STARD6: variants seen among roughly 807,000 people sequenced by gnomAD.
STARD6 encodes StAR related lipid transfer domain containing 6.
STARD6 carries 21 observed loss-of-function variants against 22.3 expected under a neutral mutation model. That is an observed-to-expected ratio of 0.94 (90% confidence interval 0.67 to 1.35). STARD6 has a LOEUF of 1.35. Ranked by LOEUF, STARD6 falls within the 40% of genes most tolerant of loss-of-function variation. The probability of loss-of-function intolerance (pLI) is 0.00; values close to 1 mark genes in which losing one functional copy is unlikely to be tolerated. For missense variants in STARD6, 269 were observed against 266.9 expected (o/e 1.01, Z -0.05); for synonymous variants, 80 against 88.1 (o/e 0.91, Z 0.52).
intron 7 of STARD6, among the ~76,000 whole-genome samples, chr18:54,327,927 A>G (rs1373971099): frequency 6.6e-6 from 1 of 151,688 alleles, no homozygotes; most frequent in Non-Finnish European, 1.5e-5. Flanking sequence ...GAAATAAGAA[A>G]AATTCATAAG....
intron 1 of STARD6, chr18:54,356,935 A>C (rs917447626): frequency 5.9e-5 from 9 of 152,202 alleles, no homozygotes; most frequent in African/African-American, 1.9e-4. Context: ...TTAACCACTA[A>C]ACTGAACGTT....
In STARD6 at chr18:54,331,836, A is replaced by G. The variant is rs772370798; in HGVS notation, c.291T>C (p.Ile97=). ...TGGAGCCCACGGCAAAACTTTGTGT[A>G]ATGGTATGACATATGAATGTGTCCT... ...IDSDTFICHT[I]TQSFAVGSIS... Residue 97 remains isoleucine (I), a synonymous_variant, in exon 6 of 8, where the codon ATT becomes ATC. Transcript: ENST00000307844. 1 of 1,612,260 alleles carries G rather than the reference A, an allele frequency of 6.2e-7. No individual in the cohort carries two copies. Among genetic ancestry groups the G allele is most frequent in the Non-Finnish European group, 8.5e-7 (1 of 1,178,594 alleles).
intron 4 of STARD6, among the ~76,000 whole-genome samples, chr18:54,349,589 T>C (rs2089074464): frequency 6.6e-6 from 1 of 152,158 alleles, no homozygotes; most frequent in Non-Finnish European, 1.5e-5. Context: ...TCTTGAGATT[T>C]TGGTGCACCC....
chr18:54,353,847 C>T, intron 4 of STARD6: 1 of 354,828 alleles, frequency 2.8e-6, no homozygotes, highest in Admixed American at 4.7e-5. Flanking sequence ...GATTTTTTAT[C>T]TGATTGTCAT....
chr18:54,336,068 C>A lies in STARD6; in HGVS notation c.267+1057G>T, dbSNP rs114719280. Among the ~76,000 whole-genome samples, 429 of 152,268 alleles carry A rather than the reference C, an allele frequency of 2.8e-3. 4 individuals carry two copies. Among genetic ancestry groups the A allele is most frequent in the African/African-American group, 9.7e-3 (405 of 41,542 alleles). On this transcript the variant is annotated intron_variant, in intron 5 of 7. Coordinates refer to ENST00000307844, the MANE Select transcript of STARD6 (RefSeq NM_139171.2). ...GCTTTCATTCTGCCCTTACCTCATA[C>A]TGATCCTTTCTTCTGTTTCTCTGTA...
chr18:54,337,666 T>G (rs2088929095), intron 4 of STARD6, among the ~76,000 whole-genome samples: 1 of 152,094 alleles, frequency 6.6e-6, no homozygotes, highest in African/African-American at 2.4e-5. Context: ...CAGAATTGAG[T>G]AGTTGCAAGA....
At chr18:54,337,675 GA>G (rs2088929199) in intron 4 of STARD6, among the ~76,000 whole-genome samples, 1 of 152,170 alleles carries the variant, frequency 6.6e-6, no homozygotes, top group South Asian at 2.1e-4. Context: ...GTAGTTGCAA[GA>G]GACCAAATGA....
chr18:54,336,730 T>G (rs1356797211), intron 5 of STARD6, among the ~76,000 whole-genome samples: 1 of 152,220 alleles, frequency 6.6e-6, no homozygotes, highest in South Asian at 2.1e-4. Context: ...ATGTGCTTAC[T>G]TCCCCTTCGC....
intron 7 of STARD6, among the ~76,000 whole-genome samples, chr18:54,327,634 GTACTTTTCATCAACGTAATT>G (rs1191845475): frequency 6.6e-6 from 1 of 152,100 alleles, no homozygotes; most frequent in Non-Finnish European, 1.5e-5. Context: ...GCTGGGAATT[GTACTTTTCATCAACGTAATT>G]TACTTTTCAT....
chr18:54,329,008 T>G (rs939118626), intron 7 of STARD6, among the ~76,000 whole-genome samples: 18 of 152,238 alleles, frequency 1.2e-4, no homozygotes, highest in Admixed American at 7.2e-4. Context: ...CTAGGAAAGT[T>G]TATTTTTAAT....
rs920711547 is a variant in STARD6 at position 54,326,272 on chromosome 18, A to AT, written c.480-1398dup. Among the ~76,000 whole-genome samples, 191 of 139,484 alleles carry AT rather than the reference A, an allele frequency of 1.4e-3. 3 individuals carry two copies. Among genetic ancestry groups the AT allele is most frequent in the South Asian group, 1.4e-3 (6 of 4,428 alleles). 91.5% of individuals were successfully genotyped at this position (139,484 alleles called of 152,430 possible). A position where few individuals can be genotyped will look rare whatever the true frequency, so the allele number is the denominator to read the frequency against. Reference sequence around the variant, plus strand: ...AAAAAATTCTTTTCCAAGTCATGCCATTTTTTTTTTTCAGTAAAACTTAAG... The same window carrying AT: ...AAAAAATTCTTTTCCAAGTCATGCCATTTTTTTTTTTTCAGTAAAACTTAAG... On this transcript the variant is annotated intron_variant, in intron 7 of 7. Coordinates refer to ENST00000307844, the MANE Select transcript of STARD6 (RefSeq NM_139171.2).
chr18:54,324,839 C>G lies in STARD6; in HGVS notation c.516G>C (p.Gln172His), dbSNP rs2088809910. The G allele has an allele frequency of 6.3e-7, 1 of 1,599,120 alleles. No homozygotes were observed. The highest frequency in any genetic ancestry group is 8.5e-7 in the Non-Finnish European group (1 of 1,174,412). ...PAYSKLVMFV[Q>H]TEMRGKLSPS... ...GGGACAATTTTCCTCTCATTTCTGT[C>G]TGGACAAACATCACTAGTTTGGAAT... Residue 172 changes from glutamine (Q) to histidine (H), a missense_variant, in exon 8 of 8, where the codon CAG becomes CAC. Coordinates refer to ENST00000307844, the MANE Select transcript of STARD6 (RefSeq NM_139171.2).
intron 5 of STARD6, 150 bp downstream of exon 5, chr18:54,336,975 T>C: frequency 3.4e-6 from 2 of 595,738 alleles, no homozygotes; most frequent in Non-Finnish European, 5.3e-6. Context: ...TGTTGGAAAG[T>C]AGGGAAGTTT....
chr18:54,329,131 C>T (rs2088846550), intron 7 of STARD6, among the ~76,000 whole-genome samples: 1 of 152,060 alleles, frequency 6.6e-6, no homozygotes, highest in Non-Finnish European at 1.5e-5. Context: ...TCTCAGAAAC[C>T]TCAGATCATA....
chr18:54,351,899 G>GTTTTTTTTTTTTTTTTTTTTTTTTTTC, intron 4 of STARD6, among the ~76,000 whole-genome samples: 1 of 70,660 alleles, frequency 1.4e-5, no homozygotes, highest in East Asian at 4.4e-4. Flanking sequence ...ATATTGGTCC[G>GTTTTTTTTTTTTTTTTTTTTTTTTTTC]TTTTTTTTTT....
At chr18:54,346,522 T>C (rs952477095) in intron 4 of STARD6, among the ~76,000 whole-genome samples, 2 of 151,970 alleles carry the variant, frequency 1.3e-5, no homozygotes, top group Admixed American at 6.6e-5. Context: ...ATATTAAACA[T>C]AGAATTGCCA....
At chr18:54,350,461 T>C (rs924724120) in intron 4 of STARD6, among the ~76,000 whole-genome samples, 8 of 152,372 alleles carry the variant, frequency 5.3e-5, no homozygotes, top group Admixed American at 6.5e-5. Flanking sequence ...TTATTTCTTT[T>C]ACGATGCAGA....
chr18:54,348,324 G>A (rs1312228564), intron 4 of STARD6, among the ~76,000 whole-genome samples: 1 of 152,120 alleles, frequency 6.6e-6, no homozygotes, highest in Admixed American at 6.6e-5. Context: ...AAGTAGTAAC[G>A]ACAATGGAGG....
At chr18:54,335,917 C>G (rs762019590) in intron 5 of STARD6, among the ~76,000 whole-genome samples, 2 of 152,140 alleles carry the variant, frequency 1.3e-5, no homozygotes, top group Non-Finnish European at 2.9e-5. Flanking sequence ...GTCAATTAAA[C>G]CTTTTTTCTT....
Sources: gnomAD v4.1 joint callset for allele counts (sites outside exome capture counted in the v4.1 genomes callset) on GRCh38, gnomAD v4.1.1 for gene constraint, MANE v1.5 for transcripts, NCBI Gene and HGNC (gene_info 2026-07-23, HGNC 2026-07-21) for gene names.